RYR2: variants seen among roughly 807,000 people sequenced by gnomAD.
RYR2 encodes the protein cardiac muscle ryanodine receptor-calcium release channel.
Under a neutral mutation model 601.1 loss-of-function variants are expected in RYR2, and 227 were observed. The observed-to-expected ratio is 0.38, with a 90% CI of 0.34 to 0.42. The LOEUF (loss-of-function observed/expected upper bound fraction) is 0.42. RYR2 is among the 10% of genes least tolerant of loss of function. RYR2 has a pLI of 1.00. For missense variants in RYR2, 4,646 were observed against 6,156.5 expected (o/e 0.75, Z 8.21); for synonymous variants, 2,223 against 2,175.1 (o/e 1.02, Z -0.61).
chr1:237,734,696 C>T (rs538074109), intron 79 of RYR2, among the ~76,000 whole-genome samples: 2 of 152,260 alleles, frequency 1.3e-5, no homozygotes, highest in African/African-American at 2.4e-5. Context: ...TAAGGCTTCT[C>T]ACTTGGGTAC....
chr1:237,446,084 G>A lies in RYR2; in HGVS notation c.1292+562G>A, dbSNP rs113811903. Among the ~76,000 whole-genome samples the A allele has an allele frequency of 1.5e-3, 225 of 152,190 alleles. 1 individual carries two copies. Among genetic ancestry groups the A allele is most frequent in the African/African-American group, 5.2e-3 (214 of 41,528 alleles). ...CTCTCCTTGGCCTCCCAAAGTGCTGGGATTACAGGTGTGAGCCACCGTGCC... is the reference window on the plus strand; with the variant it reads ...CTCTCCTTGGCCTCCCAAAGTGCTGAGATTACAGGTGTGAGCCACCGTGCC... On this transcript the variant is annotated intron_variant, in intron 14 of 104. Transcript: ENST00000366574.
At chr1:237,050,130 G>C (rs1179397537) in intron 1 of RYR2, among the ~76,000 whole-genome samples, 2 of 152,152 alleles carry the variant, frequency 1.3e-5, no homozygotes, top group African/African-American at 4.8e-5. Context: ...CCAAGTAGGG[G>C]ACAGAGAGAG....
intron 38 of RYR2, 41 bp downstream of exon 38, chr1:237,617,527 T>C (rs751533144): frequency 6.3e-7 from 1 of 1,588,408 alleles, no homozygotes; most frequent in South Asian, 1.1e-5. Context: ...TTATGTTGGC[T>C]TTTAGTCATT....
intron 1 of RYR2, among the ~76,000 whole-genome samples, chr1:237,091,583 C>G (rs116580341): frequency 2.6e-5 from 4 of 151,972 alleles, no homozygotes; most frequent in African/African-American, 4.8e-5. Flanking sequence ...CGGTGCCACA[C>G]CTGGCTAATT....
intron 80 of RYR2, among the ~76,000 whole-genome samples, chr1:237,742,895 C>T (rs1691736784): frequency 6.6e-6 from 1 of 152,230 alleles, no homozygotes; most frequent in South Asian, 2.1e-4. Context: ...TTCTCAAATG[C>T]TCTCAGCTTT....
intron 12 of RYR2, among the ~76,000 whole-genome samples, chr1:237,428,645 T>G (rs1323832399): frequency 6.6e-6 from 1 of 150,988 alleles, no homozygotes; most frequent in Non-Finnish European, 1.5e-5. Context: ...TAATAGCTAA[T>G]GCATGTGGGG....
At chr1:237,431,641 A>C (rs932152378) in intron 12 of RYR2, among the ~76,000 whole-genome samples, 2 of 152,060 alleles carry the variant, frequency 1.3e-5, no homozygotes, top group African/African-American at 4.8e-5. Context: ...TTATCTCTGA[A>C]TATTTCTATA....
At chr1:237,243,660 C>G (rs1275775006) in intron 1 of RYR2, among the ~76,000 whole-genome samples, 1 of 152,140 alleles carries the variant, frequency 6.6e-6, no homozygotes, top group Admixed American at 6.5e-5. Flanking sequence ...GTCTTAAAAA[C>G]CACAGTCAGA....
intron 1 of RYR2, among the ~76,000 whole-genome samples, chr1:237,104,089 C>T (rs1182962595): frequency 6.6e-6 from 1 of 152,138 alleles, no homozygotes; most frequent in Non-Finnish European, 1.5e-5. Context: ...ATCATTTCTC[C>T]TCTGGACCAG....
At chr1:237,363,583 T>C (rs1351571895) in intron 4 of RYR2, among the ~76,000 whole-genome samples, 1 of 152,098 alleles carries the variant, frequency 6.6e-6, no homozygotes, top group African/African-American at 2.4e-5. Context: ...GCCCTAAGTT[T>C]GGAAATATAT....
At chr1:237,433,816 G>A (rs1707083234) in intron 12 of RYR2, among the ~76,000 whole-genome samples, 1 of 151,508 alleles carries the variant, frequency 6.6e-6, no homozygotes, top group Admixed American at 6.6e-5. Context: ...TCTTAGACAT[G>A]TATCTTCTAC....
chr1:237,260,696 C>G (rs181862719), intron 1 of RYR2, among the ~76,000 whole-genome samples: 2 of 152,140 alleles, frequency 1.3e-5, no homozygotes, highest in African/African-American at 4.8e-5. Flanking sequence ...AAATAAAACA[C>G]GTTAATTCTC....
rs1474467147 is a variant in RYR2, at chr1:237,610,632, G to A, written c.4684-130G>A. 1 of 718,652 alleles carries A rather than the reference G, an allele frequency of 1.4e-6. No homozygotes were observed. The highest frequency in any genetic ancestry group is 2.3e-6 in the Non-Finnish European group (1 of 439,510). The allele number at this position is 718,652 out of a possible 1,614,324, so 44.5% of individuals were successfully genotyped here. A position where few individuals can be genotyped will look rare whatever the true frequency, so the allele number is the denominator to read the frequency against. On this transcript the variant is annotated intron_variant, in intron 35 of 104. Transcript: ENST00000366574. The surrounding 1 kb of genome is among the most constrained non-coding windows in gnomAD (Gnocchi z 4.9). Reference sequence around the variant, plus strand: ...CAACCCAATTTCTATGATTTCTTGTGTTGACTTTGCTTGACTCATAGGGTT... The same window carrying A: ...CAACCCAATTTCTATGATTTCTTGTATTGACTTTGCTTGACTCATAGGGTT...
chr1:237,111,775 G>C (rs747083543), intron 1 of RYR2, among the ~76,000 whole-genome samples: 6 of 152,124 alleles, frequency 3.9e-5, no homozygotes, highest in Non-Finnish European at 8.8e-5. Flanking sequence ...AGATTTGGAG[G>C]TCAGACAAAC....
At chr1:237,649,375 A>C (rs563569545) in intron 49 of RYR2, among the ~76,000 whole-genome samples, 1 of 152,300 alleles carries the variant, frequency 6.6e-6, no homozygotes, top group South Asian at 2.1e-4. Context: ...TATTCACCTG[A>C]CGTTGTGGAC....
intron 79 of RYR2, among the ~76,000 whole-genome samples, chr1:237,737,190 G>A (rs1691227439): frequency 2.0e-5 from 3 of 152,202 alleles, no homozygotes; most frequent in Admixed American, 2.0e-4. Flanking sequence ...GGATCCTAAA[G>A]CTAAATCTAG....
chr1:237,518,283 A>T (rs1437990073), intron 24 of RYR2, among the ~76,000 whole-genome samples: 2 of 152,090 alleles, frequency 1.3e-5, no homozygotes, highest in African/African-American at 4.8e-5. Context: ...AATTGTACAA[A>T]TTTACAGGGT....
At chr1:237,703,310 T>A (rs1341775355) in intron 66 of RYR2, among the ~76,000 whole-genome samples, 5 of 151,818 alleles carry the variant, frequency 3.3e-5, no homozygotes, top group Non-Finnish European at 7.4e-5. Context: ...TGCTTGTGTA[T>A]GTGATAGTGA....
chr1:237,279,645 A>G (rs1410787473), intron 2 of RYR2, among the ~76,000 whole-genome samples: 2 of 152,250 alleles, frequency 1.3e-5, no homozygotes, highest in South Asian at 4.1e-4. Context: ...GTTGAACCTC[A>G]TGCAACACCA....
Sources: allele counts gnomAD v4.1 joint callset (sites outside exome capture counted in the v4.1 genomes callset), GRCh38; gene constraint gnomAD v4.1.1; non-coding constraint Gnocchi (gnomAD v3.1); transcripts MANE v1.5; gene names NCBI Gene and HGNC (gene_info 2026-07-23, HGNC 2026-07-21).